Variants in CASK observed in about 807,000 individuals in gnomAD.
The protein encoded by CASK is peripheral plasma membrane protein CASK.
A neutral mutation model predicts 82.9 loss-of-function variants in CASK; 4 were observed. The observed-to-expected ratio is 0.05, with a 90% confidence interval of 0.02 to 0.11. The LOEUF (loss-of-function observed/expected upper bound fraction) is 0.11. Ranked by LOEUF, CASK falls within the 10% of genes least tolerant of loss-of-function variation. The probability of loss-of-function intolerance (pLI) is 1.00; values close to 1 mark genes in which losing one functional copy is unlikely to be tolerated. For synonymous variants in CASK, 259 were observed against 253.5 expected (o/e 1.02, Z -0.20); for missense variants, 358 against 720.9 (o/e 0.50, Z 5.76).
At chrX:41,779,864 A>T (rs1006035423) in intron 3 of CASK, among the ~76,000 whole-genome samples, 1 of 111,217 alleles carries the variant, frequency 9.0e-6, no homozygotes, top group Non-Finnish European at 1.9e-5. Context: ...ATAATAATAA[A>T]AAAAGAGCTT....
intron 8 of CASK, among the ~76,000 whole-genome samples, chrX:41,643,590 A>G (rs2066700345): frequency 9.0e-6 from 1 of 111,483 alleles, no homozygotes; most frequent in African/African-American, 3.3e-5. Flanking sequence ...TTATTGGTGT[A>G]TAGGAATGCT....
chrX:41,560,031 T>C (rs1307590458), intron 17 of CASK, among the ~76,000 whole-genome samples, 184 bp from the exon 18 acceptor site: 3 of 112,113 alleles, frequency 2.7e-5, no homozygotes, highest in Non-Finnish European at 3.8e-5. Context: ...AGTAAGTTCC[T>C]GGGAAAAGCC....
intron 18 of CASK, 192 bp downstream of exon 18, chrX:41,559,587 G>C (rs1263376579): frequency 7.0e-5 from 33 of 474,376 alleles, no homozygotes; most frequent in Non-Finnish European, 1.2e-4. Flanking sequence ...GTGCTGAGGA[G>C]ATCCACATGG....
At chrX:41,691,158 AG>A (rs1029197552) in intron 5 of CASK, among the ~76,000 whole-genome samples, 4 of 112,173 alleles carry the variant, frequency 3.6e-5, no homozygotes, top group African/African-American at 1.3e-4. Context: ...TGCAGATTAG[AG>A]CTGAGGCAAA....
intron 26 of CASK, 71 bp downstream of exon 26, chrX:41,523,880 G>T: frequency 1.3e-6 from 1 of 773,267 alleles, no homozygotes; most frequent in Non-Finnish European, 2.0e-6. Context: ...AGACTGACAC[G>T]CTTCTGACTG....
chrX:41,522,754 C>A (rs1408920442), intron 26 of CASK, among the ~76,000 whole-genome samples: 2 of 112,298 alleles, frequency 1.8e-5, no homozygotes, highest in East Asian at 5.5e-4. Flanking sequence ...TAATGTAGGT[C>A]TCTTTACAGA....
At chrX:41,803,956 T>C (rs2070057980) in intron 2 of CASK, among the ~76,000 whole-genome samples, 1 of 111,735 alleles carries the variant, frequency 8.9e-6, no homozygotes, top group African/African-American at 3.3e-5. Flanking sequence ...TGATTTGACT[T>C]TTAAAACCAT....
intron 14 of CASK, chrX:41,585,526 A>T (rs1218722580): frequency 9.2e-6 from 1 of 109,250 alleles, no homozygotes; most frequent in Non-Finnish European, 1.9e-5. Context: ...CGGGCAGATC[A>T]CGAGGTCAGG....
At chrX:41,679,165 G>A (rs982103625) in intron 5 of CASK, among the ~76,000 whole-genome samples, 2 of 111,553 alleles carry the variant, frequency 1.8e-5, no homozygotes, top group East Asian at 5.6e-4. Flanking sequence ...ATGCACAAAA[G>A]CGTACCATTA....
chrX:41,758,340 C>T (rs1260730718), intron 3 of CASK, among the ~76,000 whole-genome samples: 1 of 104,423 alleles, frequency 9.6e-6, no homozygotes, highest in Non-Finnish European at 1.9e-5. Flanking sequence ...GAGGCTGAGG[C>T]AGTAGAATTG....
intron 5 of CASK, among the ~76,000 whole-genome samples, chrX:41,712,358 TA>T (rs2067991906): frequency 8.9e-6 from 1 of 112,302 alleles, no homozygotes; most frequent in Admixed American, 9.4e-5. Context: ...TAAATGAAAT[TA>T]AAGGAGAATG....
intron 5 of CASK, among the ~76,000 whole-genome samples, chrX:41,711,327 T>C (rs1018382479): frequency 3.6e-5 from 4 of 112,401 alleles, no homozygotes; most frequent in African/African-American, 1.3e-4. Context: ...ACAGAAATCA[T>C]CTGTGTTAAT....
At chrX:41,659,407 T>A in intron 8 of CASK, among the ~76,000 whole-genome samples, 1 of 109,602 alleles carries the variant, frequency 9.1e-6, no homozygotes, top group South Asian at 4.1e-4. Context: ...TTTGTACTTT[T>A]AGTAGAGATG....
intron 14 of CASK, among the ~76,000 whole-genome samples, chrX:41,581,391 A>C (rs1163557905): frequency 9.1e-6 from 1 of 110,460 alleles, no homozygotes; most frequent in Non-Finnish European, 1.9e-5. Flanking sequence ...TAAAAAAAAA[A>C]AACACAGAAT....
intron 8 of CASK, among the ~76,000 whole-genome samples, chrX:41,652,950 A>T (rs2066886006): frequency 8.9e-6 from 1 of 112,247 alleles, no homozygotes; most frequent in Non-Finnish European, 1.9e-5. Context: ...TGGACTTGTG[A>T]CTGGTGTCTG....
intron 2 of CASK, among the ~76,000 whole-genome samples, chrX:41,806,779 T>C (rs1405450931): frequency 8.9e-6 from 1 of 111,920 alleles, no homozygotes; most frequent in Admixed American, 9.5e-5. Context: ...AAGAGGGAAA[T>C]GTGTGTGTAT....
chrX:41,809,159 G>T (rs961700829), intron 2 of CASK, among the ~76,000 whole-genome samples: 5 of 112,425 alleles, frequency 4.4e-5, no homozygotes, highest in Non-Finnish European at 9.4e-5. Flanking sequence ...CTCCACCTCT[G>T]GGGGCAGGGT....
At position 41,578,337 on chromosome X, in the gene CASK, T is replaced by C. The variant is rs1468715588; in HGVS notation, c.1503+3A>G. The C allele has an allele frequency of 4.2e-6, 5 of 1,190,965 alleles. No individual in the cohort carries two copies. Among genetic ancestry groups the C allele is most frequent in the Non-Finnish European group, 5.7e-6 (5 of 878,406 alleles). On this transcript the variant is annotated splice_donor_region_variant and intron_variant, in intron 15 of 26. Coordinates refer to ENST00000378163, the MANE Select transcript of CASK (RefSeq NM_001367721.1). ...GTATTGAAAACTTTCTCTTCCTACT[T>C]ACCATTGGTTCATCTGTGTTCTTTT...
chrX:41,784,523 A>G (rs756377886), intron 3 of CASK, among the ~76,000 whole-genome samples: 123 of 111,883 alleles, frequency 1.1e-3, no homozygotes, highest in Non-Finnish European at 1.9e-3. Flanking sequence ...CATGTAGGTC[A>G]CATAGCAGAC....
Sources: allele counts gnomAD v4.1 joint callset (sites outside exome capture counted in the v4.1 genomes callset), GRCh38; gene constraint gnomAD v4.1.1; transcripts MANE v1.5; gene names NCBI Gene and HGNC (gene_info 2026-07-23, HGNC 2026-07-21).